Variants in RGS6 observed in about 807,000 individuals in gnomAD.
RGS6 encodes regulator of G protein signaling 6, also known as regulator of G-protein signaling 6.
A neutral mutation model predicts 78.5 loss-of-function variants in RGS6; 30 were observed. The observed-to-expected ratio is 0.38, with a 90% CI of 0.29 to 0.52. The LOEUF is 0.52. Among genes scored for constraint, RGS6 ranks in the 20% least tolerant of loss-of-function variants. The pLI is 0.85. For missense variants in RGS6, 495 were observed against 609.7 expected (o/e 0.81, Z 1.98); for synonymous variants, 206 against 206.0 (o/e 1.00, Z 0.00).
chr14:72,485,354 C>T (rs903842135), intron 12 of RGS6, among the ~76,000 whole-genome samples: 5 of 152,168 alleles, frequency 3.3e-5, no homozygotes, highest in Admixed American at 6.5e-5. Flanking sequence ...CTATTTTCTT[C>T]TCCCTTTTTG....
chr14:72,427,609 G>A (rs1486647618), intron 3 of RGS6, among the ~76,000 whole-genome samples: 1 of 152,170 alleles, frequency 6.6e-6, no homozygotes, highest in Non-Finnish European at 1.5e-5. Context: ...TGGCAGGGAT[G>A]GAGGAGTCTT....
intron 3 of RGS6, among the ~76,000 whole-genome samples, chr14:72,362,558 T>C (rs1313560817): frequency 6.6e-6 from 1 of 152,162 alleles, no homozygotes; most frequent in Non-Finnish European, 1.5e-5. Context: ...CTTAAACTCT[T>C]AACTGGGGTC....
rs180795809 is a variant in RGS6, at chr14:72,174,373, C to A, written c.85-177722C>A. On this transcript the variant is annotated intron_variant, in intron 2 of 17. Transcript: ENST00000553525. ...TTGGCCACCCAAAGTGCTGGGATTA[C>A]AGTTATGAGCCACTGCGCCCGGTGA... is the stretch of plus-strand genomic sequence containing the variant. 1.5e-3 allele frequency among the ~76,000 whole-genome samples: 235 copies of A among 152,040 alleles called. 1 individual carries two copies. Among genetic ancestry groups the A allele is most frequent in the African/African-American group, 5.4e-3 (226 of 41,550 alleles).
chr14:71,955,013 T>C (rs976674584), intron 1 of RGS6, among the ~76,000 whole-genome samples: 8 of 152,194 alleles, frequency 5.3e-5, no homozygotes, highest in Non-Finnish European at 1.0e-4. Context: ...TGTTGGGTCA[T>C]AGGAACTGAG....
intron 2 of RGS6, among the ~76,000 whole-genome samples, chr14:72,132,782 T>C (rs2096354325): frequency 7.2e-6 from 1 of 139,652 alleles, no homozygotes; most frequent in African/African-American, 2.7e-5. Flanking sequence ...TTGTTTGTCG[T>C]TTTTTTTTTT....
chr14:71,920,029 A>T, the RGS6 span, among the ~76,000 whole-genome samples: 1 of 152,186 alleles, frequency 6.6e-6, no homozygotes, highest in Non-Finnish European at 1.5e-5. Flanking sequence ...AGAATTTTTT[A>T]TTGTTGATAT....
chr14:72,222,817 T>G (rs1320206513), intron 2 of RGS6, among the ~76,000 whole-genome samples: 1 of 152,242 alleles, frequency 6.6e-6, no homozygotes, highest in Admixed American at 6.5e-5. Context: ...GCTAATTTTC[T>G]TTACTATGGA....
intron 2 of RGS6, among the ~76,000 whole-genome samples, chr14:72,237,119 G>A (rs2051291297): frequency 6.6e-6 from 1 of 152,170 alleles, no homozygotes; most frequent in Non-Finnish European, 1.5e-5. Flanking sequence ...TACTTTGCAT[G>A]AGACTTTTTC....
At chr14:72,467,758 C>G (rs148895392) in intron 7 of RGS6, among the ~76,000 whole-genome samples, 147 of 152,302 alleles carry the variant, frequency 9.7e-4, no homozygotes, top group Admixed American at 2.8e-3. Flanking sequence ...AAACCTTGGC[C>G]TGGTTGTTCT....
the RGS6 span, among the ~76,000 whole-genome samples, chr14:71,887,391 G>T: frequency 6.6e-6 from 1 of 152,144 alleles, no homozygotes; most frequent in Non-Finnish European, 1.5e-5. Flanking sequence ...ACTGCCTGCA[G>T]GGTCAGGCAA....
chr14:72,593,955 T>TG, the RGS6 span, among the ~76,000 whole-genome samples: 26 of 2,792 alleles, frequency 9.3e-3, no homozygotes, highest in African/African-American at 0.03. Flanking sequence ...ATCAGAGGGG[T>TG]GGGGGGGTGG....
chr14:72,205,946 C>A (rs1370426023), intron 2 of RGS6, among the ~76,000 whole-genome samples: 1 of 152,176 alleles, frequency 6.6e-6, no homozygotes, highest in Non-Finnish European at 1.5e-5. Context: ...TCTAGGCAAG[C>A]AATTTTGTAC....
At chr14:71,999,769 G>C (rs1305970708) in intron 2 of RGS6, among the ~76,000 whole-genome samples, 1 of 100,410 alleles carries the variant, frequency 1.0e-5, no homozygotes, top group African/African-American at 3.0e-5. Context: ...TTCACCTTCC[G>C]CCATGATTGT....
At position 71,932,596 on chromosome 14, in the gene RGS6, C is replaced by T; in HGVS notation, c.-366C>T. On this transcript the variant is annotated 5_prime_UTR_variant, in exon 1 of 18. Transcript: ENST00000553525. The stretch of plus-strand genomic sequence containing the variant: ...GGGGCGGGCAGAGGCGGGCAAGCGG[C>T]GAACGCCTGGGAGCGCGGAGAGCCA... 1 of 152,262 alleles carries T rather than the reference C, an allele frequency of 6.6e-6. No individual in the cohort carries two copies. The highest frequency in any genetic ancestry group is 1.5e-5 in the Non-Finnish European group (1 of 68,050). The allele number at this position is 152,262 out of a possible 1,614,324, so 9.4% of individuals were successfully genotyped here.
At chr14:72,313,540 C>T (rs985560499) in intron 2 of RGS6, among the ~76,000 whole-genome samples, 1 of 152,194 alleles carries the variant, frequency 6.6e-6, no homozygotes, top group Non-Finnish European at 1.5e-5. Flanking sequence ...ACAGTTTCTC[C>T]CCTTATGATC....
At chr14:72,035,274 A>G (rs891802652) in intron 2 of RGS6, among the ~76,000 whole-genome samples, 2 of 147,516 alleles carry the variant, frequency 1.4e-5, no homozygotes, top group African/African-American at 5.0e-5. Context: ...TATCCAATTT[A>G]CTGGCATATG....
At chr14:72,458,089 A>G (rs1015752286) in intron 4 of RGS6, among the ~76,000 whole-genome samples, 182 bp from the exon 5 acceptor site, 16 of 152,178 alleles carry the variant, frequency 1.1e-4, no homozygotes, top group Admixed American at 9.8e-4. Flanking sequence ...AGTCCCAGAC[A>G]CATAGTTGCC....
chr14:72,048,010 C>T (rs1261069096), intron 2 of RGS6, among the ~76,000 whole-genome samples: 1 of 151,130 alleles, frequency 6.6e-6, no homozygotes, highest in African/African-American at 2.4e-5. Context: ...GTGTATGATG[C>T]CCACCATTGA....
intron 2 of RGS6, among the ~76,000 whole-genome samples, chr14:72,114,612 G>A (rs970367573): frequency 2.6e-5 from 4 of 152,142 alleles, no homozygotes; most frequent in Admixed American, 6.6e-5. Flanking sequence ...AAAATGGTGC[G>A]GGAGTTACCC....
Sources: allele counts gnomAD v4.1 joint callset (sites outside exome capture counted in the v4.1 genomes callset), GRCh38; gene constraint gnomAD v4.1.1; transcripts MANE v1.5; gene names NCBI Gene and HGNC (gene_info 2026-07-23, HGNC 2026-07-21).